Variants in RP1 observed in about 807,000 individuals in gnomAD.
RP1 encodes RP1 axonemal microtubule associated, also known as oxygen-regulated protein 1.
RP1 carries 16 observed loss-of-function variants against 14.8 expected under a neutral mutation model. The ratio of observed to expected loss-of-function variants is 1.08; its 90% confidence interval spans 0.73 to 1.65. The LOEUF is 1.65. Among genes scored for constraint, RP1 ranks in the 40% most tolerant of loss-of-function variants. The pLI is 0.00. For missense variants in RP1, 2,631 were observed against 2,535.0 expected (o/e 1.04, Z -0.81); for synonymous variants, 876 against 883.6 (o/e 0.99, Z 0.15).
chr8:54,566,482 C>T (rs950737040), intron 1 of RP1, among the ~76,000 whole-genome samples: 19 of 152,152 alleles, frequency 1.2e-4, no homozygotes, highest in African/African-American at 4.6e-4. Flanking sequence ...AGTGAAGGAC[C>T]TCACAGGGTA....
intron 23 of RP1, chr8:54,780,948 C>T (rs1810171512): frequency 1.0e-6 from 1 of 984,726 alleles, no homozygotes; most frequent in Non-Finnish European, 1.2e-6. Context: ...ATGGAAGATC[C>T]TGTTAGACTT....
intron 1 of RP1, among the ~76,000 whole-genome samples, chr8:54,585,453 G>C (rs1018778010): frequency 2.9e-4 from 44 of 152,172 alleles, no homozygotes; most frequent in African/African-American, 1.0e-3. Context: ...TTCAACTTTG[G>C]TGAATCTGAC....
chr8:54,710,756 G>A (rs1187109384), intron 15 of RP1, among the ~76,000 whole-genome samples: 1 of 152,182 alleles, frequency 6.6e-6, no homozygotes, highest in Non-Finnish European at 1.5e-5. Context: ...CTGAAGTCAA[G>A]TTGCCTCTCC....
intron 24 of RP1, among the ~76,000 whole-genome samples, chr8:54,801,389 G>T (rs184941111): frequency 6.6e-6 from 1 of 152,176 alleles, no homozygotes; most frequent in Non-Finnish European, 1.5e-5. Context: ...TCCTCCAGGC[G>T]TAGTGGGCCT....
rs1811693344 is a variant in RP1, at chr8:54,837,670, G to C, written c.3835+1G>C. ...GGACCAAAGAAAGCACCTTTGCCAG[G>C]TATATAATTTCATTTCCTTTGTGAT... is the stretch of plus-strand genomic sequence containing the variant. On this transcript the variant is annotated splice_donor_variant, in intron 25 of 28. Transcript: ENST00000637698. LOFTEE classifies it high-confidence loss of function. 2 of 1,224,918 alleles carry C rather than the reference G, an allele frequency of 1.6e-6. No homozygotes were observed. The highest frequency in any genetic ancestry group is 8.3e-5 in the South Asian group (2 of 24,152). 75.9% of individuals were successfully genotyped at this position (1,224,918 alleles called of 1,614,324 possible).
intron 24 of RP1, among the ~76,000 whole-genome samples, chr8:54,797,092 A>T (rs1395642283): frequency 6.6e-6 from 1 of 152,122 alleles, no homozygotes; most frequent in Non-Finnish European, 1.5e-5. Context: ...CCTTTTTAGG[A>T]ATAGAAAAAT....
At chr8:54,827,694 T>A (rs1811415715) in intron 24 of RP1, among the ~76,000 whole-genome samples, 1 of 152,084 alleles carries the variant, frequency 6.6e-6, no homozygotes, top group African/African-American at 2.4e-5. Flanking sequence ...GGTCAGGAGT[T>A]CCAGACCAGC....
chr8:54,732,229 C>T lies in RP1; in HGVS notation c.2522-2316C>T, dbSNP rs559089301. On this transcript the variant is annotated intron_variant, in intron 17 of 22. Transcript: ENST00000636932. ...TGCGAAATTCTGAGCCATATTCCTA[C>T]ATCCAGCACTAAGGTTTCCTCTGTG... Among the ~76,000 whole-genome samples the T allele has an allele frequency of 2.7e-4, 41 of 152,338 alleles. No homozygotes were observed. In the South Asian group the frequency reaches 8.1e-3, roughly 30 times the overall value.
intron 15 of RP1, among the ~76,000 whole-genome samples, chr8:54,712,563 T>G (rs1273548578): frequency 6.6e-6 from 1 of 152,200 alleles, no homozygotes; most frequent in African/African-American, 2.4e-5. Flanking sequence ...GCCTACCTCC[T>G]GATGGTGTCT....
At chr8:54,806,416 T>A (rs1295669504) in intron 24 of RP1, among the ~76,000 whole-genome samples, 3 of 152,146 alleles carry the variant, frequency 2.0e-5, no homozygotes, top group Non-Finnish European at 2.9e-5. Context: ...TAGAGCTGAT[T>A]TAAAACACCA....
intron 24 of RP1, among the ~76,000 whole-genome samples, chr8:54,821,150 A>G (rs927037646): frequency 1.3e-5 from 2 of 152,214 alleles, no homozygotes; most frequent in African/African-American, 4.8e-5. Context: ...TAGGTGTAGA[A>G]AACAGAGAAC....
chr8:54,630,575 C>G lies in RP1; in HGVS notation c.*222C>G. The stretch of plus-strand genomic sequence containing the variant: ...TCAGGTTCTCTTATTTTGGAAGTTT[C>G]TATCTGGTTTTGTTCTGAACTTACA... On this transcript the variant is annotated 3_prime_UTR_variant, in exon 4 of 4. Coordinates refer to ENST00000220676, the MANE Select transcript of RP1 (RefSeq NM_006269.2). 1 of 1,293,172 alleles carries G rather than the reference C, an allele frequency of 7.7e-7. No homozygotes were observed. Among genetic ancestry groups the G allele is most frequent in the Non-Finnish European group, 9.8e-7 (1 of 1,021,574 alleles). 80.1% of individuals were successfully genotyped at this position (1,293,172 alleles called of 1,614,324 possible).
chr8:54,765,634 A>G (rs1221639794), intron 22 of RP1, among the ~76,000 whole-genome samples: 3 of 152,178 alleles, frequency 2.0e-5, no homozygotes, highest in East Asian at 3.9e-4. Flanking sequence ...GTCTCTAGAC[A>G]TTCTCCAGGG....
intron 22 of RP1, among the ~76,000 whole-genome samples, chr8:54,764,911 GAAA>G (rs71554178): frequency 8.9e-6 from 1 of 112,280 alleles, no homozygotes; most frequent in Non-Finnish European, 1.9e-5. Context: ...GAGTTAAAAA[GAAA>G]AAAAAAAAAA....
chr8:54,641,338 A>G (rs1359434825), intron 3 of RP1, among the ~76,000 whole-genome samples: 1 of 152,160 alleles, frequency 6.6e-6, no homozygotes, highest in Non-Finnish European at 1.5e-5. Context: ...TGTTATGTAT[A>G]TGAATTGCAA....
Position 54,733,919 on chromosome 8 carries a change from C to T in RP1, c.2522-626C>T, listed in dbSNP as rs183613420. Among the ~76,000 whole-genome samples, 10 of 152,238 alleles carry T rather than the reference C, an allele frequency of 6.6e-5. No individual in the cohort carries two copies. In the East Asian group the frequency reaches 1.9e-3, roughly 29 times the overall value. On this transcript the variant is annotated intron_variant, in intron 17 of 22. Coordinates refer to the RP1 transcript ENST00000636932. ...CAGGAGTGACTGTGTTTGGGCACTG[C>T]TGGTTGCTAGAGGATGCATTGTGAA...
chr8:54,793,460 C>T (rs1289798989), intron 24 of RP1, among the ~76,000 whole-genome samples: 1 of 151,868 alleles, frequency 6.6e-6, no homozygotes, highest in Admixed American at 6.6e-5. Flanking sequence ...TTCAATAGCA[C>T]ATTAAAGTAT....
rs530052349 is a variant in RP1 at position 54,775,414 on chromosome 8, C to T, written c.3451+5247C>T. Reference sequence around the variant, plus strand: ...AAGATGATACCACTTCTGCCTGGCTCGCTTTCTGGGAATGTTAGTCTTTAG... The same window carrying T: ...AAGATGATACCACTTCTGCCTGGCTTGCTTTCTGGGAATGTTAGTCTTTAG... On this transcript the variant is annotated intron_variant, in intron 23 of 28. Transcript: ENST00000637698. Among the ~76,000 whole-genome samples, 4 of 152,288 alleles carry T rather than the reference C, an allele frequency of 2.6e-5. 1 individual carries two copies. The highest frequency in any genetic ancestry group is 4.1e-4 in the South Asian group (2 of 4,824).
chr8:54,682,636 T>G (rs907258893), intron 12 of RP1, among the ~76,000 whole-genome samples: 2 of 152,006 alleles, frequency 1.3e-5, no homozygotes, highest in Admixed American at 6.6e-5. Flanking sequence ...TAATTTACAT[T>G]TCTCTAATGG....
Sources: allele counts gnomAD v4.1 joint callset (sites outside exome capture counted in the v4.1 genomes callset), GRCh38; gene constraint gnomAD v4.1.1; transcripts MANE v1.5; gene names NCBI Gene and HGNC (gene_info 2026-07-23, HGNC 2026-07-21).